Variants in TAF2 observed in about 807,000 individuals in gnomAD.
TAF2 encodes the protein TATA-box binding protein associated factor 2.
Under a neutral mutation model 138.5 loss-of-function variants are expected in TAF2, and 61 were observed. The ratio of observed to expected loss-of-function variants is 0.44; its 90% CI spans 0.36 to 0.54. The LOEUF is 0.54. Among genes scored for constraint, TAF2 ranks in the 20% least tolerant of loss-of-function variants. TAF2 has a pLI of 0.00. For missense variants in TAF2, 1,090 were observed against 1,427.9 expected (o/e 0.76, Z 3.81); for synonymous variants, 475 against 469.9 (o/e 1.01, Z -0.14).
At chr8:119,815,424 GCCA>G (rs934570303) in intron 3 of TAF2, among the ~76,000 whole-genome samples, 13 of 151,514 alleles carry the variant, frequency 8.6e-5, no homozygotes, top group Non-Finnish European at 1.5e-4. Flanking sequence ...ACAGGCGCCT[GCCA>G]CCACACCTGG....
At chr8:119,832,052 A>C (rs1826484327) in intron 1 of TAF2, among the ~76,000 whole-genome samples, 1 of 152,106 alleles carries the variant, frequency 6.6e-6, no homozygotes, top group Admixed American at 6.6e-5. Context: ...CCGGCTACTC[A>C]GGAGGCTGAG....
In TAF2 at chr8:119,744,362, T is replaced by G; in HGVS notation, c.3140A>C (p.Asp1047Ala). The G allele has an allele frequency of 6.2e-7, 1 of 1,613,722 alleles. No homozygotes were observed. Among genetic ancestry groups the G allele is most frequent in the South Asian group, 1.1e-5 (1 of 91,072 alleles). Residue 1047 changes from aspartate (D) to alanine (A), a missense_variant, in exon 24 of 26, where the codon GAT becomes GCT. Coordinates refer to ENST00000378164, the MANE Select transcript of TAF2 (RefSeq NM_003184.4). ...FSSSQDEEEI[D>A]MDTVHDSQAF... ...CTGGCTATCATGAACAGTATCCATA[T>G]CAATCTCCTCCTCATCTTGAGAACT... is the stretch of plus-strand genomic sequence containing the variant.
At chr8:119,740,423 G>A (rs1245422307) in intron 25 of TAF2, among the ~76,000 whole-genome samples, 23 of 150,964 alleles carry the variant, frequency 1.5e-4, no homozygotes, top group Admixed American at 1.5e-3. Flanking sequence ...GGGAGGCTGA[G>A]GCTGGTGATC....
rs1167871751 is a variant in TAF2, at chr8:119,732,720, C to T, written c.3338-534G>A. ...TTGGGAGGCTGAGGTAGGAGAATCA[C>T]TTGAACCTGGGAGGCCGAGGTTGCA... On this transcript the variant is annotated intron_variant, in intron 25 of 25. Transcript: ENST00000378164. Among the ~76,000 whole-genome samples, 5 of 152,230 alleles carry T rather than the reference C, an allele frequency of 3.3e-5. No individual in the cohort carries two copies. In the East Asian group the frequency reaches 9.7e-4, roughly 29 times the overall value.
intron 8 of TAF2, among the ~76,000 whole-genome samples, chr8:119,795,888 A>T (rs893397379): frequency 1.3e-5 from 2 of 152,036 alleles, no homozygotes; most frequent in Non-Finnish European, 2.9e-5. Context: ...ACCAGAGTAC[A>T]TGCTCTACTC....
chr8:119,795,281 C>G (rs1823744715), intron 9 of TAF2, among the ~76,000 whole-genome samples: 1 of 152,118 alleles, frequency 6.6e-6, no homozygotes. Flanking sequence ...GGAGCTGGGA[C>G]ATACCTAACG....
At chr8:119,825,561 C>G (rs1274389162) in intron 2 of TAF2, among the ~76,000 whole-genome samples, 1 of 152,122 alleles carries the variant, frequency 6.6e-6, no homozygotes, top group Non-Finnish European at 1.5e-5. Flanking sequence ...TGTCCCCACC[C>G]AAATCTCATC....
Position 119,783,461 on chromosome 8 carries a change from G to T in TAF2, c.2032C>A (p.Arg678=), listed in dbSNP as rs762500188. ...TCTAATATATCAGTGAGTGCAAGCC[G>T]AGATGCTGGAGTAGGGAATTTTTCC... ...ALEKFPTPAS[R]LALTDILEQE... Residue 678 remains arginine, a synonymous_variant, in exon 16 of 26, where the codon CGG becomes AGG. Transcript: ENST00000378164. 6.2e-7 allele frequency: 1 copy of T among 1,614,110 alleles called. No homozygotes were observed. Among genetic ancestry groups the T allele is most frequent in the Non-Finnish European group, 8.5e-7 (1 of 1,180,012 alleles).
chr8:119,795,873 A>C (rs1166763845), intron 8 of TAF2, among the ~76,000 whole-genome samples: 1 of 152,078 alleles, frequency 6.6e-6, no homozygotes, highest in African/African-American at 2.4e-5. Flanking sequence ...CTTCAGGTAT[A>C]AATTACCAGA....
intron 25 of TAF2, among the ~76,000 whole-genome samples, chr8:119,741,186 G>T (rs556507930): frequency 6.6e-6 from 1 of 152,276 alleles, no homozygotes; most frequent in African/African-American, 2.4e-5. Flanking sequence ...AAAAAAAAGT[G>T]TTCAGATTTG....
At chr8:119,791,037 G>A (rs899755538) in intron 11 of TAF2, among the ~76,000 whole-genome samples, 6 of 152,076 alleles carry the variant, frequency 3.9e-5, no homozygotes, top group African/African-American at 1.4e-4. Context: ...CTGGCCTCAA[G>A]CAATCATCCC....
chr8:119,795,419 A>T, intron 9 of TAF2, 113 bp downstream of exon 9: 1 of 931,522 alleles, frequency 1.1e-6, no homozygotes, highest in Non-Finnish European at 1.7e-6. Context: ...ATCAATTCCC[A>T]TTTTGCTGGG....
At position 119,783,548 on chromosome 8, in the gene TAF2, A is replaced by G. The variant is rs398124645; in HGVS notation, c.1945T>C (p.Trp649Arg). 2 of 1,614,184 alleles carry G rather than the reference A, an allele frequency of 1.2e-6. No individual in the cohort carries two copies. Among genetic ancestry groups the G allele is most frequent in the Non-Finnish European group, 1.7e-6 (2 of 1,180,014 alleles). ...CTCTCATAGCGGAGCTGATACTGCC[A>G]CATAAAATCAGCTTGCTCAAATTCT... ...KVEFEQADFM[W>R]QYQLRYERDV... The change falls in exon 16 of 26, where the codon TGG becomes CGG. Residue 649 changes from tryptophan to arginine, a missense_variant. This residue lies in a region of TAF2 where 580 missense variants were observed against 719.6 expected (regional missense o/e 0.81). Coordinates refer to ENST00000378164, the MANE Select transcript of TAF2 (RefSeq NM_003184.4).
At chr8:119,816,112 G>A (rs367659282) in intron 3 of TAF2, among the ~76,000 whole-genome samples, 17 of 147,198 alleles carry the variant, frequency 1.2e-4, no homozygotes, top group Admixed American at 2.7e-4. Context: ...GTGCAGTGGC[G>A]CGATCTCGGC....
chr8:119,794,350 T>G (rs1223275981), intron 9 of TAF2, among the ~76,000 whole-genome samples: 5 of 150,526 alleles, frequency 3.3e-5, no homozygotes, highest in African/African-American at 1.2e-4. Flanking sequence ...GAGCCGAGAT[T>G]GCGCCACTGC....
At chr8:119,750,721 T>C (rs573904713) in intron 22 of TAF2, among the ~76,000 whole-genome samples, 1 of 152,304 alleles carries the variant, frequency 6.6e-6, no homozygotes, top group East Asian at 1.9e-4. Flanking sequence ...CTGATGTTAA[T>C]ATCAAAACTG....
intron 6 of TAF2, among the ~76,000 whole-genome samples, chr8:119,801,177 T>C (rs1235046125): frequency 6.6e-6 from 1 of 152,126 alleles, no homozygotes; most frequent in African/African-American, 2.4e-5. Context: ...ACATGATAAA[T>C]GAAAAGATGT....
At chr8:119,821,266 T>C (rs17818446) in intron 2 of TAF2, among the ~76,000 whole-genome samples, 10,109 of 152,256 alleles carry the variant, frequency 0.066, 411 homozygotes, top group Middle Eastern at 0.14. Flanking sequence ...CTGGCATAAC[T>C]GCAAGCCTCT....
intron 4 of TAF2, among the ~76,000 whole-genome samples, chr8:119,805,417 T>G (rs903671583): frequency 2.6e-5 from 4 of 152,078 alleles, no homozygotes; most frequent in African/African-American, 9.7e-5. Flanking sequence ...TTAAAAATAT[T>G]TTTCATGGCC....
Sources: allele counts gnomAD v4.1 joint callset (sites outside exome capture counted in the v4.1 genomes callset), GRCh38; gene constraint gnomAD v4.1.1; regional missense constraint gnomAD v4.1.1; transcripts MANE v1.5; gene names NCBI Gene and HGNC (gene_info 2026-07-23, HGNC 2026-07-21).